Variants in NLGN1 observed in about 807,000 individuals in gnomAD.
NLGN1 encodes neuroligin-1.
In NLGN1, 12 loss-of-function variants were observed where a neutral mutation model predicts 65.5. The ratio of observed to expected loss-of-function variants is 0.18; its 90% CI spans 0.12 to 0.30. The LOEUF is 0.30. Among genes scored for constraint, NLGN1 ranks in the 10% least tolerant of loss-of-function variants. The pLI, the probability that NLGN1 is intolerant of heterozygous loss-of-function variation, is 1.00. For synonymous variants in NLGN1, 350 were observed against 359.5 expected (o/e 0.97, Z 0.30); for missense variants, 750 against 1,007.1 (o/e 0.74, Z 3.46).
At chr3:174,176,010 TTAAACA>T (rs140541629) in intron 4 of NLGN1, among the ~76,000 whole-genome samples, 4,535 of 152,042 alleles carry the variant, frequency 0.03, 81 homozygotes, top group Non-Finnish European at 0.047. Flanking sequence ...ATCTGCCTAC[TTAAACA>T]TAAACAACTC....
intron 4 of NLGN1, among the ~76,000 whole-genome samples, chr3:174,195,792 A>AAT (rs1348634950): frequency 6.6e-6 from 1 of 152,034 alleles, no homozygotes; most frequent in Non-Finnish European, 1.5e-5. Flanking sequence ...GTTTGGAGAA[A>AAT]AAAAAACTGC....
At chr3:174,161,604 G>A (rs953733129) in intron 4 of NLGN1, among the ~76,000 whole-genome samples, 4 of 151,774 alleles carry the variant, frequency 2.6e-5, no homozygotes, top group Non-Finnish European at 5.9e-5. Flanking sequence ...GGTTTCTATA[G>A]CAGGGAAGAA....
At chr3:174,240,814 C>T (rs917038435) in intron 4 of NLGN1, among the ~76,000 whole-genome samples, 1 of 152,120 alleles carries the variant, frequency 6.6e-6, no homozygotes, top group African/African-American at 2.4e-5. Context: ...TGGGTCTTTT[C>T]ATTCTTTGTT....
chr3:173,648,965 A>G (rs964532962), intron 3 of NLGN1, among the ~76,000 whole-genome samples: 4 of 152,226 alleles, frequency 2.6e-5, no homozygotes, highest in Admixed American at 2.6e-4. Context: ...ATGAATGTTC[A>G]TAGAACCTTT....
chr3:173,914,044 G>A (rs1740217532), intron 4 of NLGN1, among the ~76,000 whole-genome samples: 1 of 152,126 alleles, frequency 6.6e-6, no homozygotes, highest in Admixed American at 6.6e-5. Context: ...GCAAGTCAAA[G>A]TGATCTCATG....
chr3:173,921,988 T>C (rs1445324254), intron 4 of NLGN1, among the ~76,000 whole-genome samples: 1 of 152,116 alleles, frequency 6.6e-6, no homozygotes, highest in Non-Finnish European at 1.5e-5. Context: ...TTCAGGGCCT[T>C]AGCAACCCAG....
chr3:173,615,462 A>G lies in NLGN1; in HGVS notation c.493+10371A>G, dbSNP rs188959166. Reference sequence around the variant, plus strand: ...GTTGATGTCCGTGTCAATATTACTAAGTAAATGTAAGTTTGATATGTATTA... The same window carrying G: ...GTTGATGTCCGTGTCAATATTACTAGGTAAATGTAAGTTTGATATGTATTA... On this transcript the variant is annotated intron_variant, in intron 3 of 6. Transcript: ENST00000457714. Among the ~76,000 whole-genome samples the G allele has an allele frequency of 1.1e-4, 16 of 152,268 alleles. 1 individual carries two copies. The highest frequency in any genetic ancestry group is 9.8e-4 in the Admixed American group (15 of 15,294).
intron 4 of NLGN1, among the ~76,000 whole-genome samples, chr3:174,049,284 A>C (rs1734297302): frequency 6.6e-6 from 1 of 152,116 alleles, no homozygotes; most frequent in Admixed American, 6.6e-5. Context: ...ATTCTAGAGT[A>C]AGAAAAGTTA....
intron 4 of NLGN1, among the ~76,000 whole-genome samples, chr3:174,134,610 T>C (rs1175938025): frequency 6.6e-6 from 1 of 152,062 alleles, no homozygotes; most frequent in Non-Finnish European, 1.5e-5. Context: ...GGCTGAAGCA[T>C]GTGAAGTAGT....
chr3:173,826,378 A>G (rs1165724529), intron 4 of NLGN1, among the ~76,000 whole-genome samples: 1 of 152,094 alleles, frequency 6.6e-6, no homozygotes, highest in East Asian at 1.9e-4. Context: ...AAAGGAACCC[A>G]TAACATTGGC....
intron 3 of NLGN1, among the ~76,000 whole-genome samples, chr3:173,674,642 A>G (rs1238114167): frequency 6.6e-6 from 1 of 152,158 alleles, no homozygotes; most frequent in Non-Finnish European, 1.5e-5. Flanking sequence ...TAAAGAAATC[A>G]TTACTGAGGA....
intron 1 of NLGN1, among the ~76,000 whole-genome samples, chr3:173,414,131 G>A (rs1366266142): frequency 6.6e-6 from 1 of 152,136 alleles, no homozygotes; most frequent in African/African-American, 2.4e-5. Context: ...AGGGAGAGGG[G>A]CATGTCTGGT....
chr3:173,492,802 C>T (rs1001961535), intron 2 of NLGN1, among the ~76,000 whole-genome samples: 1 of 151,690 alleles, frequency 6.6e-6, no homozygotes, highest in African/African-American at 2.4e-5. Context: ...ACATTATTTG[C>T]ACTGAATTAT....
intron 4 of NLGN1, among the ~76,000 whole-genome samples, chr3:173,999,587 T>G (rs1161369524): frequency 2.0e-5 from 3 of 152,162 alleles, no homozygotes; most frequent in Non-Finnish European, 1.5e-5. Flanking sequence ...ATACTGACCT[T>G]TATTCTCCAA....
chr3:173,453,672 T>A (rs905374247), intron 2 of NLGN1, among the ~76,000 whole-genome samples: 1 of 152,200 alleles, frequency 6.6e-6, no homozygotes, highest in African/African-American at 2.4e-5. Context: ...TTCATTCAAG[T>A]TTGTTCACGA....
At chr3:174,150,555 C>G (rs1724129835) in intron 4 of NLGN1, among the ~76,000 whole-genome samples, 1 of 152,106 alleles carries the variant, frequency 6.6e-6, no homozygotes, top group Non-Finnish European at 1.5e-5. Flanking sequence ...ACCCTACCTT[C>G]CTAGAATTAC....
At chr3:173,966,975 A>C (rs992165412) in intron 4 of NLGN1, among the ~76,000 whole-genome samples, 8 of 152,150 alleles carry the variant, frequency 5.3e-5, no homozygotes, top group Non-Finnish European at 1.0e-4. Context: ...ATCTGGAAAA[A>C]ATTCATATAG....
chr3:174,152,551 T>C (rs6445144), intron 4 of NLGN1, among the ~76,000 whole-genome samples: 55,657 of 151,772 alleles, frequency 0.37, 11,935 homozygotes, highest in African/African-American at 0.59. Context: ...ATGTAAATGA[T>C]GAGTTAATGG....
Position 173,927,839 on chromosome 3 carries a change from C to A in NLGN1, c.646+120007C>A, listed in dbSNP as rs992637. 4.1e-4 allele frequency among the ~76,000 whole-genome samples: 62 copies of A among 152,114 alleles called. No individual in the cohort carries two copies. In the Middle Eastern group the frequency reaches 0.02, roughly 50 times the overall value. On this transcript the variant is annotated intron_variant, in intron 4 of 6. Transcript: ENST00000457714. ...AAACAGGCTTTCTTCCTTCTGAACC[C>A]GAGAGCAGCTGCAGAGGGCCCTGTG... is the stretch of plus-strand genomic sequence containing the variant.
Sources: gnomAD v4.1 joint callset for allele counts (sites outside exome capture counted in the v4.1 genomes callset) on GRCh38, gnomAD v4.1.1 for gene constraint, MANE v1.5 for transcripts, NCBI Gene and HGNC (gene_info 2026-07-23, HGNC 2026-07-21) for gene names.